SH3RF3: variants seen among roughly 807,000 people sequenced by gnomAD.
SH3RF3 encodes the protein SH3 domain containing ring finger 3.
In SH3RF3, 29 loss-of-function variants were observed where a neutral mutation model predicts 66.3. The ratio of observed to expected loss-of-function variants is 0.44; its 90% CI spans 0.33 to 0.60. The LOEUF is 0.60. SH3RF3 is among the 20% of genes least tolerant of loss of function. The pLI is 0.04. For missense variants in SH3RF3, 1,194 were observed against 1,190.9 expected (o/e 1.00, Z -0.04); for synonymous variants, 583 against 532.0 (o/e 1.10, Z -1.32).
chr2:109,389,894 C>T (rs1368215259), intron 3 of SH3RF3, among the ~76,000 whole-genome samples: 1 of 152,158 alleles, frequency 6.6e-6, no homozygotes, highest in Non-Finnish European at 1.5e-5. Flanking sequence ...CCTGGGAGCT[C>T]TTTGGGTGGA....
intron 1 of SH3RF3, among the ~76,000 whole-genome samples, chr2:109,170,748 A>T (rs1574485859): frequency 1.3e-5 from 2 of 152,300 alleles, no homozygotes; most frequent in South Asian, 4.2e-4. Context: ...TGTGCCAGGC[A>T]CTGGGGCTCA....
chr2:109,396,999 G>GC (rs755595250), intron 3 of SH3RF3, among the ~76,000 whole-genome samples: 1 of 152,112 alleles, frequency 6.6e-6, no homozygotes, highest in Non-Finnish European at 1.5e-5. Context: ...GCTTCAGAAT[G>GC]CCCCCCGGTG....
intron 1 of SH3RF3, among the ~76,000 whole-genome samples, chr2:109,267,548 G>A (rs1680527164): frequency 6.6e-6 from 1 of 152,174 alleles, no homozygotes; most frequent in Non-Finnish European, 1.5e-5. Context: ...CCTTCCAACA[G>A]AGCCTATCAA....
In SH3RF3 at chr2:109,500,655, A is replaced by G. The variant is rs530991036; in HGVS notation, c.2481-848A>G. Among the ~76,000 whole-genome samples the G allele has an allele frequency of 7.9e-5, 12 of 152,308 alleles. No homozygotes were observed. The East Asian group carries it at 2.1e-3, about 27-fold the overall frequency. On this transcript the variant is annotated intron_variant, in intron 9 of 9. Coordinates refer to ENST00000309415, the MANE Select transcript of SH3RF3 (RefSeq NM_001099289.3). ...TCTTATGATTTTTGGAGCACATTTA[A>G]AAATAAGGACAGGTTAGGCACGGTG...
intron 1 of SH3RF3, among the ~76,000 whole-genome samples, chr2:109,339,503 C>A (rs983289808): frequency 3.3e-5 from 5 of 152,122 alleles, no homozygotes; most frequent in Non-Finnish European, 7.4e-5. Context: ...AGGAGGCCCA[C>A]GTGAGTGTGC....
chr2:109,477,521 G>T (rs1180347905), intron 8 of SH3RF3, among the ~76,000 whole-genome samples: 1 of 152,218 alleles, frequency 6.6e-6, no homozygotes, highest in African/African-American at 2.4e-5. Context: ...GACCAGGAGA[G>T]CCTCTCCCAG....
intron 1 of SH3RF3, among the ~76,000 whole-genome samples, chr2:109,198,292 G>A (rs1678554905): frequency 6.6e-6 from 1 of 152,174 alleles, no homozygotes; most frequent in Non-Finnish European, 1.5e-5. Flanking sequence ...ATCTCTAAAT[G>A]ACAGGAATTT....
At chr2:109,372,005 A>G (rs142968320) in intron 3 of SH3RF3, among the ~76,000 whole-genome samples, 2 of 151,658 alleles carry the variant, frequency 1.3e-5, no homozygotes, top group Non-Finnish European at 2.9e-5. Flanking sequence ...TGCTTCTCCA[A>G]CTCCCCCAAG....
intron 1 of SH3RF3, among the ~76,000 whole-genome samples, chr2:109,280,739 C>T (rs1013581621): frequency 1.3e-5 from 2 of 152,196 alleles, no homozygotes; most frequent in Non-Finnish European, 2.9e-5. Context: ...GGGGCTCACC[C>T]GATGAGGGCT....
chr2:109,491,103 A>T (rs749941301), intron 9 of SH3RF3, among the ~76,000 whole-genome samples, 167 bp downstream of exon 9: 4 of 152,208 alleles, frequency 2.6e-5, no homozygotes, highest in Non-Finnish European at 4.4e-5. Context: ...TGAGTGCTGG[A>T]TGAAACGAGT....
At chr2:109,251,383 TC>T in intron 1 of SH3RF3, 1 of 667,678 alleles carries the variant, frequency 1.5e-6, no homozygotes, top group Non-Finnish European at 2.8e-6. Context: ...GTCTGTGCAT[TC>T]CTTTCCAAGG....
At chr2:109,431,513 G>T (rs750622691) in intron 5 of SH3RF3, among the ~76,000 whole-genome samples, 3 of 152,172 alleles carry the variant, frequency 2.0e-5, no homozygotes, top group Non-Finnish European at 4.4e-5. Flanking sequence ...CTTGGCCCAT[G>T]GGCTGAGTTA....
intron 1 of SH3RF3, among the ~76,000 whole-genome samples, chr2:109,252,886 C>T (rs538446968): frequency 6.6e-6 from 1 of 152,230 alleles, no homozygotes; most frequent in African/African-American, 2.4e-5. Flanking sequence ...TGTATTGTAC[C>T]ATCATAAAGT....
At position 109,365,786 on chromosome 2, in the gene SH3RF3, G is replaced by A. The variant is rs572411963; in HGVS notation, c.850-5800G>A. On this transcript the variant is annotated intron_variant, in intron 2 of 9. Transcript: ENST00000309415. ...ACAATTTGCATGTATCTGTGGTCCCGGCTGTCGACTGTACTTGTGAACTAT... is the reference window on the plus strand; with the variant it reads ...ACAATTTGCATGTATCTGTGGTCCCAGCTGTCGACTGTACTTGTGAACTAT... Among the ~76,000 whole-genome samples the A allele has an allele frequency of 1.1e-4, 16 of 152,222 alleles. No homozygotes were observed. In the East Asian group the frequency reaches 2.7e-3, roughly 26 times the overall value.
In SH3RF3 at chr2:109,461,012, C is replaced by G. The variant is rs78552403; in HGVS notation, c.2148+11523C>G. 8.5e-5 allele frequency among the ~76,000 whole-genome samples: 13 copies of G among 152,350 alleles called. No homozygotes were observed. In the East Asian group the frequency reaches 2.5e-3, roughly 29 times the overall value. On this transcript the variant is annotated intron_variant, in intron 8 of 9. Coordinates refer to ENST00000309415, the MANE Select transcript of SH3RF3 (RefSeq NM_001099289.3). ...CTCAAGTCTTATCTTCCTGTGTGAT[C>G]CTATGGAACTGCCCAGGAGGCCACA...
intron 1 of SH3RF3, among the ~76,000 whole-genome samples, chr2:109,248,593 T>C (rs1679976215): frequency 6.6e-6 from 1 of 152,226 alleles, no homozygotes. Context: ...CCTTGAGACA[T>C]TAATTGACCA....
At chr2:109,268,964 G>A (rs1429828537) in intron 1 of SH3RF3, among the ~76,000 whole-genome samples, 1 of 152,152 alleles carries the variant, frequency 6.6e-6, no homozygotes, top group African/African-American at 2.4e-5. Flanking sequence ...TTTTCTGGGG[G>A]ACACAAATGT....
At chr2:109,388,882 C>T (rs1675903690) in intron 3 of SH3RF3, among the ~76,000 whole-genome samples, 2 of 152,120 alleles carry the variant, frequency 1.3e-5, no homozygotes, top group Admixed American at 1.3e-4. Flanking sequence ...AAATGCTTGC[C>T]ACCTGGAGGC....
At chr2:109,437,860 C>T (rs751260770) in intron 7 of SH3RF3, among the ~76,000 whole-genome samples, 5 of 152,118 alleles carry the variant, frequency 3.3e-5, no homozygotes, top group East Asian at 1.9e-4. Context: ...ATGCTGGATT[C>T]GCAGGATGAT....
Sources: allele counts gnomAD v4.1 joint callset (sites outside exome capture counted in the v4.1 genomes callset), GRCh38; gene constraint gnomAD v4.1.1; transcripts MANE v1.5; gene names NCBI Gene and HGNC (gene_info 2026-07-23, HGNC 2026-07-21).